Variants in DDAH1 observed in about 807,000 individuals in gnomAD.
The protein encoded by DDAH1 is dimethylarginine dimethylaminohydrolase 1.
DDAH1 carries 19 observed loss-of-function variants against 28.8 expected under a neutral mutation model. That is an observed-to-expected ratio of 0.66 (90% CI 0.46 to 0.97). The LOEUF (loss-of-function observed/expected upper bound fraction) is 0.97. Among genes scored for constraint, DDAH1 ranks in the 50% least tolerant of loss-of-function variants. The pLI, the probability that DDAH1 is intolerant of heterozygous loss-of-function variation, is 0.00. For synonymous variants in DDAH1, 153 were observed against 154.4 expected (o/e 0.99, Z 0.07); for missense variants, 326 against 375.9 (o/e 0.87, Z 1.10).
intron 2 of DDAH1, chr1:85,495,806 T>A (rs1656566759): frequency 6.6e-6 from 1 of 152,208 alleles, no homozygotes; most frequent in Non-Finnish European, 1.5e-5. Context: ...CACCCAGAGC[T>A]GGCTGGGAAC....
chr1:85,402,681 C>T (rs1020078134), intron 1 of DDAH1, among the ~76,000 whole-genome samples: 1 of 151,966 alleles, frequency 6.6e-6, no homozygotes, highest in African/African-American at 2.4e-5. Flanking sequence ...GAGGCCGAGG[C>T]GGTGGATCAC....
chr1:85,506,109 A>C (rs2100745086), intron 1 of DDAH1, among the ~76,000 whole-genome samples: 1 of 152,318 alleles, frequency 6.6e-6, no homozygotes, highest in Admixed American at 6.5e-5. Context: ...CAAGTTCTAG[A>C]AGGAAGGTTG....
chr1:85,511,050 C>A (rs1036431367), intron 1 of DDAH1, among the ~76,000 whole-genome samples: 3 of 152,218 alleles, frequency 2.0e-5, no homozygotes, highest in African/African-American at 7.2e-5. Flanking sequence ...AATATACATT[C>A]TTCTCAGCAC....
chr1:85,532,378 G>A (rs1390589603), intron 1 of DDAH1, among the ~76,000 whole-genome samples: 1 of 151,438 alleles, frequency 6.6e-6, no homozygotes, highest in Non-Finnish European at 1.5e-5. Context: ...AAACCTAGAA[G>A]TCTCTAGTAT....
intron 1 of DDAH1, among the ~76,000 whole-genome samples, chr1:85,425,543 A>T (rs1291949442): frequency 6.6e-6 from 1 of 152,134 alleles, no homozygotes; most frequent in Non-Finnish European, 1.5e-5. Flanking sequence ...ATACTTAACA[A>T]CTGTTTTCCA....
intron 4 of DDAH1, among the ~76,000 whole-genome samples, chr1:85,329,324 C>T (rs1647620269): frequency 3.3e-5 from 5 of 152,180 alleles, no homozygotes. Context: ...TCTGCCCTAT[C>T]CCCCAACCTC....
At chr1:85,402,067 C>T (rs897002567) in intron 1 of DDAH1, among the ~76,000 whole-genome samples, 20 of 152,046 alleles carry the variant, frequency 1.3e-4, no homozygotes, top group African/African-American at 4.6e-4. Flanking sequence ...CTCACTACAG[C>T]CTCAAACTCT....
chr1:85,513,685 G>A (rs1657337815), intron 1 of DDAH1, among the ~76,000 whole-genome samples: 1 of 152,150 alleles, frequency 6.6e-6, no homozygotes, highest in Admixed American at 6.5e-5. Context: ...ATCAAAAAGT[G>A]GGCAAAGGAT....
intron 1 of DDAH1, among the ~76,000 whole-genome samples, chr1:85,415,647 A>G (rs1368221779): frequency 6.6e-6 from 1 of 152,200 alleles, no homozygotes; most frequent in African/African-American, 2.4e-5. Flanking sequence ...AAGTTCAAAA[A>G]CAGAAAAAAA....
At chr1:85,334,321 T>G (rs1647973072) in intron 4 of DDAH1, among the ~76,000 whole-genome samples, 1 of 152,080 alleles carries the variant, frequency 6.6e-6, no homozygotes, top group Non-Finnish European at 1.5e-5. Flanking sequence ...CTTTATAAAT[T>G]ACCCAGTCTT....
intron 1 of DDAH1, among the ~76,000 whole-genome samples, chr1:85,435,972 G>C (rs1195353758): frequency 9.4e-6 from 1 of 106,904 alleles, no homozygotes; most frequent in African/African-American, 3.5e-5. Context: ...GTGTGTGTGT[G>C]TGTGTGTGTG....
At chr1:85,463,765 A>C (rs1182455565) in intron 1 of DDAH1, among the ~76,000 whole-genome samples, 1 of 152,228 alleles carries the variant, frequency 6.6e-6, no homozygotes, top group Admixed American at 6.5e-5. Flanking sequence ...CCAGAAATGA[A>C]AGAAACCACT....
intron 2 of DDAH1, among the ~76,000 whole-genome samples, chr1:85,474,438 C>T (rs1655724740): frequency 6.6e-6 from 1 of 152,150 alleles, no homozygotes. Flanking sequence ...TGATCTCATC[C>T]CTATTCTCTC....
At chr1:85,511,226 T>C (rs1415260322) in intron 1 of DDAH1, among the ~76,000 whole-genome samples, 1 of 152,166 alleles carries the variant, frequency 6.6e-6, no homozygotes, top group Admixed American at 6.5e-5. Flanking sequence ...ACCTGGAAAC[T>C]GAACAACTTG....
At chr1:85,534,980 A>G (rs1283335750) in intron 1 of DDAH1, among the ~76,000 whole-genome samples, 6 of 152,180 alleles carry the variant, frequency 3.9e-5, no homozygotes, top group African/African-American at 1.4e-4. Context: ...AAAAGAAGAA[A>G]AGGAGGTGGC....
At chr1:85,417,170 G>A (rs1051774938) in intron 1 of DDAH1, among the ~76,000 whole-genome samples, 23 of 152,234 alleles carry the variant, frequency 1.5e-4, no homozygotes, top group African/African-American at 5.3e-4. Context: ...GGCACCTTGA[G>A]TTGAAATCTG....
intron 5 of DDAH1, among the ~76,000 whole-genome samples, chr1:85,321,935 A>G (rs1333446888): frequency 6.6e-6 from 1 of 152,064 alleles, no homozygotes; most frequent in Non-Finnish European, 1.5e-5. Flanking sequence ...ATTTTTGGAG[A>G]CAGGGTCTTG....
chr1:85,483,608 C>G (rs1656087001), intron 2 of DDAH1, among the ~76,000 whole-genome samples: 1 of 152,196 alleles, frequency 6.6e-6, no homozygotes, highest in African/African-American at 2.4e-5. Flanking sequence ...AACCCATAAT[C>G]AAATGTACTA....
At chr1:85,515,887 T>C (rs1570630734) in intron 1 of DDAH1, among the ~76,000 whole-genome samples, 1 of 152,106 alleles carries the variant, frequency 6.6e-6, no homozygotes, top group Non-Finnish European at 1.5e-5. Context: ...ACAACAGAAA[T>C]GTGTTTTCTC....
Sources: allele counts gnomAD v4.1 joint callset (sites outside exome capture counted in the v4.1 genomes callset), GRCh38; gene constraint gnomAD v4.1.1; transcripts MANE v1.5; gene names NCBI Gene and HGNC (gene_info 2026-07-23, HGNC 2026-07-21).